The following SMG6 variants were observed in gnomAD, a reference collection of about 807,000 sequenced individuals.
SMG6 encodes the protein telomerase-binding protein EST1A.
SMG6 carries 66 observed loss-of-function variants against 142.2 expected under a neutral mutation model. The observed-to-expected ratio is 0.46, with a 90% CI of 0.38 to 0.57. The LOEUF (loss-of-function observed/expected upper bound fraction) is 0.57. Ranked by LOEUF, SMG6 falls within the 20% of genes least tolerant of loss-of-function variation. SMG6 has a pLI of 0.00. For missense variants in SMG6, 1,793 were observed against 1,832.0 expected, an observed-to-expected ratio of 0.98 and a Z score of 0.39; for synonymous variants, 779 against 702.4, an observed-to-expected ratio of 1.11 and a Z score of -1.72.
intron 8 of SMG6, among the ~76,000 whole-genome samples, chr17:2,270,398 T>C (rs1045157798): frequency 6.6e-6 from 1 of 151,906 alleles, no homozygotes; most frequent in Non-Finnish European, 1.5e-5. Context: ...TCACTTGAGC[T>C]CAGTTTGAGA....
At chr17:2,126,518 G>A (rs1332631950) in intron 13 of SMG6, among the ~76,000 whole-genome samples, 1 of 151,832 alleles carries the variant, frequency 6.6e-6, no homozygotes, top group Non-Finnish European at 1.5e-5. Context: ...TTGAGGTCAG[G>A]AGTTGAGACC....
At chr17:2,095,185 C>G (rs1344326843) in intron 13 of SMG6, 1 of 152,256 alleles carries the variant, frequency 6.6e-6, no homozygotes, top group Non-Finnish European at 1.5e-5. Context: ...AGGCTCAGCC[C>G]CTGGGGATGA....
At chr17:2,063,596 C>T (rs2067848580) in intron 18 of SMG6, among the ~76,000 whole-genome samples, 1 of 152,230 alleles carries the variant, frequency 6.6e-6, no homozygotes, top group Non-Finnish European at 1.5e-5. Context: ...GTCCTGGAAC[C>T]ACACTTCCCA....
chr17:2,267,267 C>G (rs2074440713), intron 8 of SMG6, among the ~76,000 whole-genome samples: 1 of 152,124 alleles, frequency 6.6e-6, no homozygotes, highest in African/African-American at 2.4e-5. Flanking sequence ...TGAAGTGGAG[C>G]AGTCAAGACT....
chr17:2,068,632 G>T lies in SMG6; in HGVS notation c.3835+146C>A. 1.3e-6 allele frequency: 1 copy of T among 748,286 alleles called. No homozygotes were observed. The highest frequency in any genetic ancestry group is 2.1e-6 in the Non-Finnish European group (1 of 470,602). 46.4% of individuals were successfully genotyped at this position (748,286 alleles called of 1,614,324 possible). On this transcript the variant is annotated intron_variant, in intron 16 of 18. Coordinates refer to ENST00000263073, the MANE Select transcript of SMG6 (RefSeq NM_017575.5). The surrounding 1 kb of genome is among the most constrained non-coding windows in gnomAD (Gnocchi z 6.7). ...CTTTGATTATTAAACAGTTTTCTTTGCCCCACGCGTTCCCTACTCCCCTGC... is the reference window on the plus strand; with the variant it reads ...CTTTGATTATTAAACAGTTTTCTTTTCCCCACGCGTTCCCTACTCCCCTGC...
chr17:2,080,017 G>A (rs1024324905), intron 15 of SMG6, among the ~76,000 whole-genome samples: 2 of 152,120 alleles, frequency 1.3e-5, no homozygotes, highest in African/African-American at 4.8e-5. Context: ...AGAGGTTGCA[G>A]TGAGCTGAGA....
chr17:2,275,109 T>G (rs1443013203), intron 8 of SMG6, among the ~76,000 whole-genome samples: 1 of 152,074 alleles, frequency 6.6e-6, no homozygotes, highest in Non-Finnish European at 1.5e-5. Context: ...TTTTAAGGGT[T>G]GTGCTCCTTC....
At chr17:2,202,545 G>A (rs572097054) in intron 10 of SMG6, among the ~76,000 whole-genome samples, 1 of 151,990 alleles carries the variant, frequency 6.6e-6, no homozygotes, top group East Asian at 1.9e-4. Context: ...GAGCAAGACT[G>A]TGTCTGAAAA....
At chr17:2,142,004 G>GT (rs1278304386) in intron 13 of SMG6, among the ~76,000 whole-genome samples, 1 of 152,068 alleles carries the variant, frequency 6.6e-6, no homozygotes, top group African/African-American at 2.4e-5. Flanking sequence ...AAGAAACTTC[G>GT]TTTAGTGAGG....
At chr17:2,157,784 G>C (rs2071052579) in intron 13 of SMG6, among the ~76,000 whole-genome samples, 1 of 152,188 alleles carries the variant, frequency 6.6e-6, no homozygotes. Context: ...TCATTACAAA[G>C]TCTGCAAAAT....
At chr17:2,144,368 T>C (rs1457083712) in intron 13 of SMG6, among the ~76,000 whole-genome samples, 1 of 151,996 alleles carries the variant, frequency 6.6e-6, no homozygotes, top group Non-Finnish European at 1.5e-5. Flanking sequence ...CGCCTGGCCA[T>C]TAATTTTTAA....
intron 10 of SMG6, among the ~76,000 whole-genome samples, chr17:2,190,606 G>A (rs910439802): frequency 2.6e-5 from 4 of 152,204 alleles, no homozygotes; most frequent in Non-Finnish European, 5.9e-5. Flanking sequence ...TGCGGTCTTC[G>A]TGGACTCCAG....
chr17:2,172,623 G>T, intron 13 of SMG6, 35 bp downstream of exon 13: 1 of 1,604,306 alleles, frequency 6.2e-7, no homozygotes, highest in East Asian at 2.2e-5. Context: ...TAAGAGGAGG[G>T]GCGAATGGGG....
chr17:2,139,425 C>CCTTTT (rs2070403164), intron 13 of SMG6, among the ~76,000 whole-genome samples: 1 of 139,250 alleles, frequency 7.2e-6, no homozygotes, highest in Non-Finnish European at 1.5e-5. Context: ...CTGCTTTTTT[C>CCTTTT]TTTTTTTTTT....
intron 13 of SMG6, among the ~76,000 whole-genome samples, chr17:2,144,826 T>TAA (rs1317721052): frequency 6.6e-6 from 1 of 152,132 alleles, no homozygotes; most frequent in Non-Finnish European, 1.5e-5. Context: ...TGAGGTTTCC[T>TAA]AAAGCTGGAA....
intron 8 of SMG6, among the ~76,000 whole-genome samples, chr17:2,277,477 T>C (rs72819572): frequency 0.26 from 39,465 of 152,066 alleles, 6,617 homozygotes; most frequent in Admixed American, 0.36. Flanking sequence ...ATTTACGTAT[T>C]TCTTAACCAT....
chr17:2,271,917 G>A (rs988231501), intron 8 of SMG6, among the ~76,000 whole-genome samples: 4 of 152,032 alleles, frequency 2.6e-5, no homozygotes, highest in African/African-American at 4.8e-5. Flanking sequence ...CAAACTGTGG[G>A]GTAAAAGATT....
At chr17:2,289,301 A>T (rs1046206662) in intron 6 of SMG6, among the ~76,000 whole-genome samples, 1 of 152,058 alleles carries the variant, frequency 6.6e-6, no homozygotes, top group Non-Finnish European at 1.5e-5. Flanking sequence ...CATGCCTGTA[A>T]TCTCAGCAGT....
chr17:2,122,444 G>GT (rs1236315556), intron 13 of SMG6: 1 of 152,222 alleles, frequency 6.6e-6, no homozygotes, highest in Non-Finnish European at 1.5e-5. Flanking sequence ...GGAAAACACA[G>GT]TGTCAGAGGG....
Sources: gnomAD v4.1 joint callset for allele counts (sites outside exome capture counted in the v4.1 genomes callset) on GRCh38, gnomAD v4.1.1 for gene constraint, Gnocchi (gnomAD v3.1) non-coding constraint, MANE v1.5 for transcripts, NCBI Gene and HGNC (gene_info 2026-07-23, HGNC 2026-07-21) for gene names.